The following PCSK7 variants were observed in gnomAD, a reference collection of about 807,000 sequenced individuals.
PCSK7 encodes the protein proprotein convertase subtilisin/kexin type 7.
PCSK7 carries 38 observed loss-of-function variants against 73.3 expected under a neutral mutation model. The ratio of observed to expected loss-of-function variants is 0.52; its 90% CI spans 0.40 to 0.68. The LOEUF is 0.68. PCSK7 is among the 30% of genes least tolerant of loss of function. The probability of loss-of-function intolerance (pLI) is 0.00; values close to 1 mark genes in which losing one functional copy is unlikely to be tolerated. For synonymous variants in PCSK7, 296 were observed against 383.8 expected, an observed-to-expected ratio of 0.77 and a Z score of 2.68; for missense variants, 692 against 991.5, an observed-to-expected ratio of 0.70 and a Z score of 4.06.
At chr11:117,219,359 C>G (rs1170656513) in intron 10 of PCSK7, 195 bp from the exon 11 acceptor site, 9 of 634,280 alleles carry the variant, frequency 1.4e-5, no homozygotes, top group Non-Finnish European at 2.4e-5. Context: ...TGGCTTGCTT[C>G]TAGAGAAGGG....
chr11:117,204,462 G>A lies in PCSK7; in HGVS notation c.*1535C>T, dbSNP rs1166611454. On this transcript the variant is annotated 3_prime_UTR_variant, in exon 17 of 17. Transcript: ENST00000320934. ...ACACCCGTGTGGTACCTTCAGCCCT[G>A]GCCAAGCTTTGAGGCTCTGTCACTG... 1.3e-6 allele frequency: 2 copies of A among 1,562,266 alleles called. No individual in the cohort carries two copies. Among genetic ancestry groups the A allele is most frequent in the Admixed American group, 3.6e-5 (2 of 55,184 alleles).
In PCSK7 at chr11:117,229,673, G is replaced by C. The variant is rs1391287179; in HGVS notation, c.172C>G (p.Leu58Val). ...GTGGPSWAVH[L>V]ESLEGDGEEE... ...TCCCCGTCACCTTCCAGGCTTTCCAGGTGCACAGCCCAGCTCGGCCCCCCT... is the reference window on the plus strand; with the variant it reads ...TCCCCGTCACCTTCCAGGCTTTCCACGTGCACAGCCCAGCTCGGCCCCCCT... The change falls in exon 3 of 17, where the codon CTG becomes GTG. Residue 58 changes from leucine to valine, a missense_variant. This residue lies in a region of PCSK7 where 574 missense variants were observed against 689.8 expected (regional missense o/e 0.83). Transcript: ENST00000320934. The C allele has an allele frequency of 6.2e-7, 1 of 1,613,880 alleles. No homozygotes were observed. The highest frequency in any genetic ancestry group is 1.1e-5 in the South Asian group (1 of 91,080).
At chr11:117,210,486 G>A (rs1267674481) in intron 12 of PCSK7, 3 of 151,528 alleles carry the variant, frequency 2.0e-5, no homozygotes, top group Non-Finnish European at 4.4e-5. Flanking sequence ...AGCTTCCCAA[G>A]TAGCTAGGAC....
chr11:117,226,364 G>A, intron 5 of PCSK7: 1 of 274,762 alleles, frequency 3.6e-6, no homozygotes, highest in South Asian at 4.2e-5. Flanking sequence ...TCGAACTCCT[G>A]ACCTCAAGTG....
chr11:117,222,446 C>T (rs2032239840), intron 9 of PCSK7: 1 of 152,200 alleles, frequency 6.6e-6, no homozygotes, highest in Admixed American at 6.5e-5. Context: ...AAACGACAAC[C>T]AGACTAGCTT....
intron 12 of PCSK7, chr11:117,212,181 C>G (rs528933709): frequency 1.4e-4 from 21 of 151,870 alleles, no homozygotes; most frequent in Non-Finnish European, 2.9e-4. Context: ...TCCCCAGAAG[C>G]AAACTTTTTT....
At chr11:117,228,871 C>T (rs1003839102) in intron 3 of PCSK7, among the ~76,000 whole-genome samples, 6 of 152,140 alleles carry the variant, frequency 3.9e-5, no homozygotes, top group African/African-American at 4.8e-5. Context: ...CTGCCCATCT[C>T]GGCCTCCCAA....
intron 5 of PCSK7, chr11:117,226,914 C>G (rs781601090): frequency 6.7e-6 from 3 of 446,144 alleles, no homozygotes; most frequent in Non-Finnish European, 7.8e-6. Context: ...GAAAAACCGA[C>G]AAGAAGGCAC....
chr11:117,218,633 A>C lies in PCSK7; in HGVS notation c.1432-65T>G. The C allele has an allele frequency of 1.2e-6, 1 of 839,216 alleles. No homozygotes were observed. Among genetic ancestry groups the C allele is most frequent in the Non-Finnish European group, 2.0e-6 (1 of 511,388 alleles). 52.0% of individuals were successfully genotyped at this position (839,216 alleles called of 1,614,324 possible). ...GAATGATCACACCCACATTCTCACA[A>C]ACACACACGCCCTTGTCAATACGAT... On this transcript the variant is annotated intron_variant, in intron 11 of 16. Transcript: ENST00000320934. The surrounding 1 kb of genome is among the most constrained non-coding windows in gnomAD (Gnocchi z 4.0).
chr11:117,229,770 T>A lies in PCSK7; in HGVS notation c.75A>T (p.Leu25Phe). The change falls in exon 3 of 17, where the codon TTA becomes TTT. Residue 25 changes from leucine (L) to phenylalanine (F), a missense_variant. Around this residue, in one of 6 missense-constraint regions of PCSK7, gnomAD observed 574 missense variants for 689.8 expected, o/e 0.83. Transcript: ENST00000320934. ...AGGGAACCAGTAAGAAGAGCCCGGC[T>A]AATTCCAGCCAGAGGCAGGTGGGCA... ...LGLPTCLWLELAGLFLLVPWV... is the reference protein window; with the variant it reads ...LGLPTCLWLEFAGLFLLVPWV... 6 of 1,612,864 alleles carry A rather than the reference T, an allele frequency of 3.7e-6. No individual in the cohort carries two copies. The highest frequency in any genetic ancestry group is 5.1e-6 in the Non-Finnish European group (6 of 1,179,192).
In PCSK7 at chr11:117,205,979, C is replaced by T. The variant is rs753853356; in HGVS notation, c.*18G>A. ...TTTTGGGAAAGAAGAGCCTGTCCCA[C>T]ACTGTCAGGCCCTGAGGTCAGCAGA... On this transcript the variant is annotated 3_prime_UTR_variant, in exon 17 of 17. Transcript: ENST00000320934. 3 of 959,064 alleles carry T rather than the reference C, an allele frequency of 3.1e-6. No homozygotes were observed. The highest frequency in any genetic ancestry group is 5.3e-5 in the East Asian group (2 of 37,888). 59.4% of individuals were successfully genotyped at this position (959,064 alleles called of 1,614,324 possible). A position where few individuals can be genotyped will look rare whatever the true frequency, so the allele number is the denominator to read the frequency against.
chr11:117,226,188 G>A (rs2032419203), intron 5 of PCSK7, 167 bp from the exon 6 acceptor site: 1 of 605,710 alleles, frequency 1.7e-6, no homozygotes, highest in African/African-American at 1.9e-5. Context: ...CCAGACTGGA[G>A]TGCAGTGGCA....
At chr11:117,213,181 G>A (rs1846110906) in intron 12 of PCSK7, 1 of 152,254 alleles carries the variant, frequency 6.6e-6, no homozygotes, top group African/African-American at 2.4e-5. Context: ...GTTGAAGGCA[G>A]GAATAGTGTC....
rs746646858 is a variant in PCSK7, at chr11:117,219,623, C to T, written c.1291G>A (p.Val431Ile). The T allele has an allele frequency of 1.2e-5, 20 of 1,612,552 alleles. No homozygotes were observed. Among genetic ancestry groups the T allele is most frequent in the South Asian group, 2.2e-5 (2 of 90,846 alleles). The change falls in exon 10 of 17, where the codon GTC becomes ATC. Residue 431 changes from valine to isoleucine, a missense_variant. Physicochemically the swap from Val to Ile is conservative, Grantham distance 29. This residue lies in a region of PCSK7 where 574 missense variants were observed against 689.8 expected (regional missense o/e 0.83). Transcript: ENST00000320934. ...GCTGTGAAGACAATGATGTGCTGGA[C>T]GTCACGCCACGTGAGGCAGGGCCGC... is the stretch of plus-strand genomic sequence containing the variant. Reference protein sequence around the residue: ...QVRPCLTWRDVQHIIVFTATR... With the variant: ...QVRPCLTWRDIQHIIVFTATR...
chr11:117,224,352 T>G (rs1433547480), intron 7 of PCSK7, 136 bp from the exon 8 acceptor site: 2 of 845,244 alleles, frequency 2.4e-6, no homozygotes, highest in Non-Finnish European at 3.7e-6. Flanking sequence ...GGGGGAAAGA[T>G]TGGAAGATGG....
chr11:117,228,557 C>T (rs1395404089), intron 3 of PCSK7, among the ~76,000 whole-genome samples: 1 of 151,386 alleles, frequency 6.6e-6, no homozygotes. Context: ...TGTCATCAGT[C>T]ATGGGGGATT....
chr11:117,230,731 G>C (rs2032616693), intron 1 of PCSK7, among the ~76,000 whole-genome samples: 1 of 152,082 alleles, frequency 6.6e-6, no homozygotes, highest in Non-Finnish European at 1.5e-5. Flanking sequence ...TTACCAAAAT[G>C]CCTCTTGAAA....
intron 12 of PCSK7, chr11:117,210,176 A>G (rs1234047211): frequency 6.6e-6 from 1 of 152,104 alleles, no homozygotes; most frequent in Non-Finnish European, 1.5e-5. Flanking sequence ...CTTGGTTTTG[A>G]TATTATACTT....
intron 8 of PCSK7, chr11:117,223,573 T>C (rs1238658991): frequency 1.2e-5 from 6 of 516,206 alleles, no homozygotes; most frequent in Non-Finnish European, 2.1e-5. Flanking sequence ...CATACCCACT[T>C]ATTCATTCAC....
Sources: allele counts gnomAD v4.1 joint callset (sites outside exome capture counted in the v4.1 genomes callset), GRCh38; gene constraint gnomAD v4.1.1; regional missense constraint gnomAD v4.1.1; non-coding constraint Gnocchi (gnomAD v3.1); transcripts MANE v1.5; gene names NCBI Gene and HGNC (gene_info 2026-07-23, HGNC 2026-07-21).